The following CRTAM variants were observed in gnomAD, a reference collection of about 807,000 sequenced individuals.
CRTAM encodes the protein cytotoxic and regulatory T-cell molecule.
In CRTAM, 44 loss-of-function variants were observed where a neutral mutation model predicts 50.0. The observed-to-expected ratio is 0.88, with a 90% CI of 0.69 to 1.13. The LOEUF is 1.13. Among genes scored for constraint, CRTAM ranks in the 50% most tolerant of loss-of-function variants. The probability of loss-of-function intolerance (pLI) is 0.00; values close to 1 mark genes in which losing one functional copy is unlikely to be tolerated. For missense variants in CRTAM, 448 were observed against 457.5 expected, an observed-to-expected ratio of 0.98 and a Z score of 0.19; for synonymous variants, 159 against 169.3, an observed-to-expected ratio of 0.94 and a Z score of 0.47.
At position 122,848,266 on chromosome 11, in the gene CRTAM, C is replaced by T. The variant is rs1861890533; in HGVS notation, c.47-1802C>T. The stretch of plus-strand genomic sequence containing the variant: ...AGAACACAAAATAGGGACTCAATGG[C>T]TTCTTAAATCTTTATTATCAGCAAA... On this transcript the variant is annotated intron_variant, in intron 1 of 9. Transcript: ENST00000227348. 2.0e-5 allele frequency among the ~76,000 whole-genome samples: 3 copies of T among 152,210 alleles called. No individual in the cohort carries two copies. The South Asian group carries it at 6.2e-4, about 32-fold the overall frequency.
At chr11:122,838,792 A>C (rs1861763092) in intron 1 of CRTAM, among the ~76,000 whole-genome samples, 200 bp downstream of exon 1, 1 of 152,172 alleles carries the variant, frequency 6.6e-6, no homozygotes, top group Admixed American at 6.5e-5. Context: ...TCAATGGCTA[A>C]GGAGTATAGA....
At position 122,846,465 on chromosome 11, in the gene CRTAM, G is replaced by A. The variant is rs75101445; in HGVS notation, c.47-3603G>A. On this transcript the variant is annotated intron_variant, in intron 1 of 9. Transcript: ENST00000227348. ...TGGGATTACAGGTGCCCACCACCAC[G>A]CCAGGCTAATTTTGTTCGAGACCAT... is the stretch of plus-strand genomic sequence containing the variant. 6.7e-4 allele frequency among the ~76,000 whole-genome samples: 102 copies of A among 151,860 alleles called. 1 individual carries two copies. The highest frequency in any genetic ancestry group is 1.7e-3 in the African/African-American group (70 of 41,402).
intron 1 of CRTAM, among the ~76,000 whole-genome samples, chr11:122,849,716 T>C (rs1861906253): frequency 6.6e-6 from 1 of 151,790 alleles, no homozygotes; most frequent in East Asian, 1.9e-4. Flanking sequence ...GAGTGAGACT[T>C]TGTCTCAAAA....
intron 8 of CRTAM, among the ~76,000 whole-genome samples, chr11:122,867,772 A>G (rs1327335392): frequency 3.3e-5 from 5 of 152,222 alleles, no homozygotes. Flanking sequence ...ACTAGCATAG[A>G]TCCAGAAATT....
chr11:122,871,345 A>G lies in CRTAM; in HGVS notation c.1128A>G (p.Val376=), dbSNP rs779094905. Residue 376 remains valine (V), a synonymous_variant, in exon 10 of 10, where the codon GTA becomes GTG. Transcript: ENST00000227348. ...CAAAAACAAAGAGGAAGGAAAATGT[A>G]CAACATTCAAAATTAGAAGAAAAGC... is the stretch of plus-strand genomic sequence containing the variant. The part of the protein sequence containing the change: ...SEAKTKRKEN[V]QHSKLEEKHI... 3 of 1,613,754 alleles carry G rather than the reference A, an allele frequency of 1.9e-6. No individual in the cohort carries two copies. In the South Asian group the frequency reaches 3.3e-5, roughly 18 times the overall value.
In CRTAM at chr11:122,868,030, C is replaced by T. The variant is rs770259178; in HGVS notation, c.982C>T (p.His328Tyr). The T allele has an allele frequency of 1.9e-6, 3 of 1,610,956 alleles. No individual in the cohort carries two copies. The highest frequency in any genetic ancestry group is 1.7e-6 in the Non-Finnish European group (2 of 1,178,118). The change falls in exon 9 of 10, where the codon CAC (histidine) becomes TAC (tyrosine). Residue 328 changes from histidine to tyrosine, a missense_variant. By Grantham distance (83) the His-to-Tyr change is moderately conservative (BLOSUM62 2). Transcript: ENST00000227348. ...IWKKENEVSE[H>Y]TLESYRSRSN... Reference sequence around the variant, plus strand: ...TTTTGTAGAAAACGAAGTTTCAGAACACACACTAGAAAGTTACAGATCAAG... The same window carrying T: ...TTTTGTAGAAAACGAAGTTTCAGAATACACACTAGAAAGTTACAGATCAAG...
In CRTAM at chr11:122,860,816, T is replaced by C. The variant is rs1029297010; in HGVS notation, c.653-1648T>C. Among the ~76,000 whole-genome samples, 3 of 152,060 alleles carry C rather than the reference T, an allele frequency of 2.0e-5. No homozygotes were observed. In the South Asian group the frequency reaches 6.2e-4, roughly 32 times the overall value. ...CCTCTCTGGGCTCAGATGATCCTCCTACCTTGGCCTCCTGAGTAGTTGGAA... is the reference window on the plus strand; with the variant it reads ...CCTCTCTGGGCTCAGATGATCCTCCCACCTTGGCCTCCTGAGTAGTTGGAA... On this transcript the variant is annotated intron_variant, in intron 5 of 9. Transcript: ENST00000227348.
At chr11:122,863,349 G>T (rs1001473220) in intron 6 of CRTAM, among the ~76,000 whole-genome samples, 1 of 43,422 alleles carries the variant, frequency 2.3e-5, no homozygotes, top group South Asian at 8.8e-4. Context: ...AAGAAAGAAA[G>T]AAAAAGAAAG....
intron 1 of CRTAM, among the ~76,000 whole-genome samples, chr11:122,842,785 T>C (rs1861814742): frequency 6.6e-6 from 1 of 152,172 alleles, no homozygotes; most frequent in South Asian, 2.1e-4. Flanking sequence ...CTCTCAAATA[T>C]CTGGTGTGCA....
chr11:122,845,235 G>C (rs76646991), intron 1 of CRTAM, among the ~76,000 whole-genome samples: 2,822 of 152,236 alleles, frequency 0.019, 84 homozygotes, highest in African/African-American at 0.064. Context: ...TATGGCGAAG[G>C]AACACCATAG....
chr11:122,871,519 A>G lies in CRTAM; in HGVS notation c.*120A>G. On this transcript the variant is annotated 3_prime_UTR_variant, in exon 10 of 10. Coordinates refer to ENST00000227348, the MANE Select transcript of CRTAM (RefSeq NM_019604.4). Reference sequence around the variant, plus strand: ...TAATGACCTCTTAGTGCAATGCAAGATGGTGTCCTCGGATAATGATCTGCC... The same window carrying G: ...TAATGACCTCTTAGTGCAATGCAAGGTGGTGTCCTCGGATAATGATCTGCC... 1 of 768,030 alleles carries G rather than the reference A, an allele frequency of 1.3e-6. No homozygotes were observed. Among genetic ancestry groups the G allele is most frequent in the East Asian group, 3.1e-5 (1 of 32,776 alleles). 47.6% of individuals were successfully genotyped at this position (768,030 alleles called of 1,614,324 possible). A position where few individuals can be genotyped will look rare whatever the true frequency, so the allele number is the denominator to read the frequency against.
At chr11:122,846,464 C>T (rs1006607215) in intron 1 of CRTAM, among the ~76,000 whole-genome samples, 10 of 152,128 alleles carry the variant, frequency 6.6e-5, no homozygotes, top group South Asian at 2.1e-4. Flanking sequence ...CCCACCACCA[C>T]GCCAGGCTAA....
intron 1 of CRTAM, among the ~76,000 whole-genome samples, chr11:122,846,147 C>A (rs1161728146): frequency 6.6e-6 from 1 of 152,126 alleles, no homozygotes; most frequent in Non-Finnish European, 1.5e-5. Flanking sequence ...GTACCCACTC[C>A]ATTCACAGCA....
rs545707809 is a variant in CRTAM, at chr11:122,851,226, A to G, written c.194-467A>G. ...AGTTGCAGTGAGCTGAGATAGTGCC[A>G]CTGCACTCCAGCCTGGGCAACAGAG... On this transcript the variant is annotated intron_variant, in intron 2 of 9. Transcript: ENST00000227348. Among the ~76,000 whole-genome samples the G allele has an allele frequency of 3.3e-5, 5 of 151,174 alleles. No homozygotes were observed. In the South Asian group the frequency reaches 6.3e-4, roughly 19 times the overall value.
At chr11:122,849,821 C>T (rs533554310) in intron 1 of CRTAM, among the ~76,000 whole-genome samples, 1 of 152,234 alleles carries the variant, frequency 6.6e-6, no homozygotes, top group Admixed American at 6.5e-5. Context: ...GTAGTTTGAC[C>T]TTCCCTGTCT....
intron 9 of CRTAM, 43 bp downstream of exon 9, chr11:122,868,142 T>C: frequency 8.2e-7 from 1 of 1,223,370 alleles, no homozygotes; most frequent in Non-Finnish European, 1.2e-6. Context: ...ATGAGGTTCA[T>C]TAATGTATTA....
chr11:122,859,993 T>A (rs1862051918), intron 5 of CRTAM, among the ~76,000 whole-genome samples: 1 of 152,206 alleles, frequency 6.6e-6, no homozygotes, highest in African/African-American at 2.4e-5. Flanking sequence ...AAACTCACAG[T>A]GGTGGATACA....
chr11:122,853,902 A>G (rs756065347), intron 3 of CRTAM, 41 bp from the exon 4 acceptor site: 1 of 1,584,500 alleles, frequency 6.3e-7, no homozygotes, highest in Non-Finnish European at 8.6e-7. Context: ...AGATATGCAG[A>G]CTCATATCTA....
chr11:122,844,175 G>A (rs1261934245), intron 1 of CRTAM, among the ~76,000 whole-genome samples: 1 of 152,180 alleles, frequency 6.6e-6, no homozygotes, highest in East Asian at 1.9e-4. Context: ...CAGTACTTTA[G>A]TGTATAATAA....
Sources: allele counts gnomAD v4.1 joint callset (sites outside exome capture counted in the v4.1 genomes callset), GRCh38; gene constraint gnomAD v4.1.1; transcripts MANE v1.5; gene names NCBI Gene and HGNC (gene_info 2026-07-23, HGNC 2026-07-21).